The following METTL25 variants were observed in gnomAD, a reference collection of about 807,000 sequenced individuals.
The protein encoded by METTL25 is probable methyltransferase-like protein 25.
A neutral mutation model predicts 71.6 loss-of-function variants in METTL25; 64 were observed. That is an observed-to-expected ratio of 0.89 (90% CI 0.73 to 1.10). The LOEUF (loss-of-function observed/expected upper bound fraction) is 1.10, where lower values mean the gene tolerates loss of function less well. Ranked by LOEUF, METTL25 falls within the 50% of genes least tolerant of loss-of-function variation. METTL25 has a pLI of 0.00. For synonymous variants in METTL25, 287 were observed against 250.3 expected (o/e 1.15, Z -1.38); for missense variants, 807 against 707.0 (o/e 1.14, Z -1.60).
Position 82,434,673 on chromosome 12 carries a change from G to A in METTL25, c.1375-22G>A, listed in dbSNP as rs373309056. On this transcript the variant is annotated intron_variant, in intron 6 of 11. Coordinates refer to ENST00000248306, the MANE Select transcript of METTL25 (RefSeq NM_032230.3). ...ATAAGACTCAATATATCAACAATCT[G>A]TCTTGTTTTTTTCCCTTTAAGGCAT... 5 of 1,606,004 alleles carry A rather than the reference G, an allele frequency of 3.1e-6. No individual in the cohort carries two copies. In the East Asian group the frequency reaches 9.0e-5, roughly 29 times the overall value.
At chr12:82,397,905 G>A (rs1886224396) in intron 3 of METTL25, among the ~76,000 whole-genome samples, 2 of 151,844 alleles carry the variant, frequency 1.3e-5, no homozygotes, top group Admixed American at 6.6e-5. Context: ...TTTTGAGTCA[G>A]TAAAATTCTT....
intron 1 of METTL25, among the ~76,000 whole-genome samples, chr12:82,383,423 A>G (rs996086393): frequency 5.9e-5 from 9 of 152,118 alleles, no homozygotes; most frequent in Non-Finnish European, 7.4e-5. Context: ...CTTAATTCAT[A>G]CTACCTTGGA....
chr12:82,470,558 TGAA>T, intron 9 of METTL25, among the ~76,000 whole-genome samples: 1 of 129,508 alleles, frequency 7.7e-6, no homozygotes, highest in East Asian at 1.9e-4. Context: ...AGGGCAGAAA[TGAA>T]GAAGACAGGG....
At chr12:82,441,185 C>A (rs1890297351) in intron 8 of METTL25, among the ~76,000 whole-genome samples, 1 of 151,940 alleles carries the variant, frequency 6.6e-6, no homozygotes, top group Non-Finnish European at 1.5e-5. Context: ...TTATCTCAAG[C>A]TGCAATTAAA....
Position 82,399,018 on chromosome 12 carries a change from T to C in METTL25, c.755T>C (p.Val252Ala). The change falls in exon 4 of 12, where the codon GTT (valine) becomes GCT (alanine). Residue 252 changes from valine to alanine, a missense_variant. Val to Ala is a moderately conservative substitution (Grantham distance 64, BLOSUM62 0). Transcript: ENST00000248306. ...MAKERKVQNK[V>A]KNKADTEEVF... Reference sequence around the variant, plus strand: ...AAAGAAAGGAAAGTGCAAAATAAAGTTAAAAATAAAGCTGATACTGAGGAA... The same window carrying C: ...AAAGAAAGGAAAGTGCAAAATAAAGCTAAAAATAAAGCTGATACTGAGGAA... The C allele has an allele frequency of 6.2e-7, 1 of 1,609,698 alleles. No individual in the cohort carries two copies. The highest frequency in any genetic ancestry group is 8.5e-7 in the Non-Finnish European group (1 of 1,178,186).
At chr12:82,389,617 T>C (rs1367768639) in intron 2 of METTL25, among the ~76,000 whole-genome samples, 199 bp from the exon 3 acceptor site, 1 of 152,126 alleles carries the variant, frequency 6.6e-6, no homozygotes, top group Non-Finnish European at 1.5e-5. Context: ...ATAGTTTTAA[T>C]GTTCTATGGA....
In METTL25 at chr12:82,426,694, A is replaced by G. The variant is rs1298325985; in HGVS notation, c.1280-4199A>G. ...GTAAGACCATCTTTTATTATGCTCC[A>G]CTTCTCCAATCACAGCCCCATGGGC... On this transcript the variant is annotated intron_variant, in intron 5 of 11. Coordinates refer to ENST00000248306, the MANE Select transcript of METTL25 (RefSeq NM_032230.3). 3.3e-5 allele frequency among the ~76,000 whole-genome samples: 5 copies of G among 151,944 alleles called. No individual in the cohort carries two copies. In the East Asian group the frequency reaches 9.7e-4, roughly 29 times the overall value.
intron 2 of METTL25, among the ~76,000 whole-genome samples, chr12:82,388,040 C>T (rs1016399828): frequency 6.6e-6 from 1 of 151,858 alleles, no homozygotes; most frequent in East Asian, 1.9e-4. Context: ...TCGTTTCTTA[C>T]CCTTGCTTTT....
At position 82,438,353 on chromosome 12, in the gene METTL25, A is replaced by G. The variant is rs117128815; in HGVS notation, c.1405-365A>G. Among the ~76,000 whole-genome samples, 79 of 151,714 alleles carry G rather than the reference A, an allele frequency of 5.2e-4. No individual in the cohort carries two copies. The East Asian group carries it at 0.015, about 28-fold the overall frequency. ...ACAAATCTACATTCTCTTCTTTTTC[A>G]CACATATCCTTCCTGACTCTTAAAT... On this transcript the variant is annotated intron_variant, in intron 7 of 11. Transcript: ENST00000248306.
At chr12:82,385,610 A>C (rs576343479) in intron 1 of METTL25, among the ~76,000 whole-genome samples, 1 of 152,192 alleles carries the variant, frequency 6.6e-6, no homozygotes, top group African/African-American at 2.4e-5. Flanking sequence ...TCTTTTAAAT[A>C]AATTAACTTG....
intron 1 of METTL25, among the ~76,000 whole-genome samples, chr12:82,364,857 A>T (rs1027555025): frequency 6.6e-6 from 1 of 152,286 alleles, no homozygotes; most frequent in East Asian, 1.9e-4. Context: ...AATAAATAAC[A>T]TACTATTGTT....
chr12:82,443,217 A>G lies in METTL25; in HGVS notation c.1478+4426A>G, dbSNP rs1032202278. On this transcript the variant is annotated intron_variant, in intron 8 of 11. Coordinates refer to ENST00000248306, the MANE Select transcript of METTL25 (RefSeq NM_032230.3). ...ACAAATCTTATGATGAAGTAAAAAG[A>G]AAAGTTCTAGACACGTAAGAGTAAA... is the stretch of plus-strand genomic sequence containing the variant. Among the ~76,000 whole-genome samples, 4 of 152,108 alleles carry G rather than the reference A, an allele frequency of 2.6e-5. No homozygotes were observed. In the South Asian group the frequency reaches 8.3e-4, roughly 31 times the overall value.
At chr12:82,424,207 T>C (rs1231190033) in intron 5 of METTL25, among the ~76,000 whole-genome samples, 1 of 152,058 alleles carries the variant, frequency 6.6e-6, no homozygotes, top group Non-Finnish European at 1.5e-5. Context: ...TCTGCAGCCA[T>C]AAAAAATGAT....
intron 9 of METTL25, among the ~76,000 whole-genome samples, chr12:82,459,029 A>G (rs886963317): frequency 1.3e-5 from 2 of 152,160 alleles, no homozygotes; most frequent in Non-Finnish European, 2.9e-5. Context: ...TTGCCATCAT[A>G]TCACTAAGGG....
intron 7 of METTL25, among the ~76,000 whole-genome samples, chr12:82,436,510 T>A (rs1407620572): frequency 1.3e-5 from 2 of 151,438 alleles, no homozygotes; most frequent in Non-Finnish European, 3.0e-5. Context: ...CCGACTTAGT[T>A]ATTCCAGTAA....
intron 3 of METTL25, among the ~76,000 whole-genome samples, chr12:82,394,067 T>C (rs998923210): frequency 1.3e-5 from 2 of 152,078 alleles, no homozygotes; most frequent in Admixed American, 1.3e-4. Flanking sequence ...TCTCTTGTTA[T>C]TGATATTTGA....
At chr12:82,463,346 A>C (rs1892020696) in intron 9 of METTL25, among the ~76,000 whole-genome samples, 1 of 151,884 alleles carries the variant, frequency 6.6e-6, no homozygotes, top group Non-Finnish European at 1.5e-5. Flanking sequence ...TAACGTTCTA[A>C]TCCTGGCTTA....
chr12:82,459,316 A>T (rs570331214), intron 9 of METTL25, among the ~76,000 whole-genome samples: 1 of 152,200 alleles, frequency 6.6e-6, no homozygotes, highest in Non-Finnish European at 1.5e-5. Flanking sequence ...CTAAAAGGAA[A>T]TGCTAAAGAT....
intron 8 of METTL25, among the ~76,000 whole-genome samples, chr12:82,449,522 T>A (rs1416106110): frequency 6.6e-6 from 1 of 152,172 alleles, no homozygotes; most frequent in Non-Finnish European, 1.5e-5. Flanking sequence ...TCCCTATTTC[T>A]GCCATCCTTT....
Sources: gnomAD v4.1 joint callset for allele counts (sites outside exome capture counted in the v4.1 genomes callset) on GRCh38, gnomAD v4.1.1 for gene constraint, MANE v1.5 for transcripts, NCBI Gene and HGNC (gene_info 2026-07-23, HGNC 2026-07-21) for gene names.